HPSE2: variants seen among roughly 807,000 people sequenced by gnomAD.
The protein encoded by HPSE2 is heparanase 2 (inactive).
In HPSE2, 38 loss-of-function variants were observed where a neutral mutation model predicts 60.5. That is an observed-to-expected ratio of 0.63 (90% CI 0.48 to 0.82). The LOEUF (loss-of-function observed/expected upper bound fraction) is 0.82. HPSE2 is among the 40% of genes least tolerant of loss of function. The pLI, the probability that HPSE2 is intolerant of heterozygous loss-of-function variation, is 0.00. For synonymous variants in HPSE2, 295 were observed against 293.2 expected (o/e 1.01, Z -0.06); for missense variants, 713 against 740.4 (o/e 0.96, Z 0.43).
At chr10:98,863,031 T>C (rs1261373043) in intron 3 of HPSE2, among the ~76,000 whole-genome samples, 1 of 152,166 alleles carries the variant, frequency 6.6e-6, no homozygotes, top group African/African-American at 2.4e-5. Context: ...CTCAAAGTGC[T>C]GGCATTATAG....
chr10:98,822,718 A>T (rs1951452083), intron 3 of HPSE2, among the ~76,000 whole-genome samples: 1 of 152,192 alleles, frequency 6.6e-6, no homozygotes, highest in South Asian at 2.1e-4. Flanking sequence ...AAAAGTAACA[A>T]GATGGGAGAT....
chr10:99,174,106 T>C (rs918573184), intron 2 of HPSE2, among the ~76,000 whole-genome samples: 2 of 152,144 alleles, frequency 1.3e-5, no homozygotes, highest in African/African-American at 2.4e-5. Flanking sequence ...CGTTAGACAA[T>C]GAAATTTTTC....
At chr10:99,008,426 G>A (rs773486190) in intron 3 of HPSE2, among the ~76,000 whole-genome samples, 7 of 152,102 alleles carry the variant, frequency 4.6e-5, no homozygotes, top group Admixed American at 3.3e-4. Context: ...AGAAAAATGA[G>A]AGGCCAAAAG....
chr10:99,130,455 G>A lies in HPSE2; in HGVS notation c.610+13783C>T, dbSNP rs180879243. On this transcript the variant is annotated intron_variant, in intron 3 of 11. Transcript: ENST00000370552. ...ATGATCAAGTGGGTTTCACACCAGA[G>A]ATGCAGAGATGGTTTAACATACACA... Among the ~76,000 whole-genome samples the A allele has an allele frequency of 1.6e-3, 236 of 152,236 alleles. 1 individual carries two copies. The highest frequency in any genetic ancestry group is 3.4e-3 in the Middle Eastern group (1 of 294).
In HPSE2 at chr10:99,157,999, A is replaced by T. The variant is rs536407236; in HGVS notation, c.449-13600T>A. 2.1e-5 allele frequency among the ~76,000 whole-genome samples: 3 copies of T among 144,936 alleles called. No individual in the cohort carries two copies. In the South Asian group the frequency reaches 7.3e-4, roughly 35 times the overall value. On this transcript the variant is annotated intron_variant, in intron 2 of 11. Coordinates refer to ENST00000370552, the MANE Select transcript of HPSE2 (RefSeq NM_021828.5). ...TTTATGCAGCCAAAAAACACATGAA[A>T]AAATGCTCATCATCTCTGGCCATCA...
At chr10:99,110,683 ATAT>A (rs1327754791) in intron 3 of HPSE2, among the ~76,000 whole-genome samples, 3 of 152,128 alleles carry the variant, frequency 2.0e-5, no homozygotes, top group African/African-American at 7.2e-5. Flanking sequence ...TCCTTTACTA[ATAT>A]ATTAGAAAGC....
intron 3 of HPSE2, among the ~76,000 whole-genome samples, chr10:98,832,249 C>T (rs918102634): frequency 6.6e-6 from 1 of 152,144 alleles, no homozygotes; most frequent in Non-Finnish European, 1.5e-5. Context: ...AGATAAAAGT[C>T]CTAAGACCTA....
chr10:98,925,643 A>T (rs1333872468), intron 3 of HPSE2, among the ~76,000 whole-genome samples: 1 of 152,192 alleles, frequency 6.6e-6, no homozygotes, highest in Non-Finnish European at 1.5e-5. Flanking sequence ...GGAGCACATT[A>T]GAGTTTCATG....
intron 3 of HPSE2, among the ~76,000 whole-genome samples, chr10:99,058,275 T>C (rs916092866): frequency 2.0e-5 from 3 of 152,162 alleles, no homozygotes; most frequent in African/African-American, 7.2e-5. Context: ...AAGGGGGGAA[T>C]TGTATAGCTC....
At chr10:99,051,953 A>C (rs1958001555) in intron 3 of HPSE2, among the ~76,000 whole-genome samples, 1 of 152,006 alleles carries the variant, frequency 6.6e-6, no homozygotes, top group African/African-American at 2.4e-5. Flanking sequence ...TGAAATTAAA[A>C]AAAAAAAATC....
intron 9 of HPSE2, among the ~76,000 whole-genome samples, chr10:98,562,815 C>A (rs1477533508): frequency 6.7e-6 from 1 of 150,130 alleles, no homozygotes; most frequent in African/African-American, 2.4e-5. Flanking sequence ...GTACAAATTT[C>A]TCTTGAGGAT....
chr10:98,900,958 C>T (rs1479524080), intron 3 of HPSE2, among the ~76,000 whole-genome samples: 1 of 152,096 alleles, frequency 6.6e-6, no homozygotes, highest in African/African-American at 2.4e-5. Flanking sequence ...ACCCAAATGT[C>T]CATCAACAGG....
chr10:98,714,102 T>A (rs888150090), intron 5 of HPSE2, among the ~76,000 whole-genome samples: 1 of 151,978 alleles, frequency 6.6e-6, no homozygotes. Context: ...ATATCCTTAA[T>A]TGATTCTCTA....
chr10:98,742,915 A>G (rs1271314935), intron 4 of HPSE2, among the ~76,000 whole-genome samples: 1 of 151,144 alleles, frequency 6.6e-6, no homozygotes, highest in African/African-American at 2.4e-5. Flanking sequence ...GAATTTCAAG[A>G]TGGTGACTGC....
rs112785145 is a variant in HPSE2 at position 98,590,456 on chromosome 10, A to G, written c.1320+24448T>C. Among the ~76,000 whole-genome samples, 697 of 152,352 alleles carry G rather than the reference A, an allele frequency of 4.6e-3. 4 individuals carry two copies. Among genetic ancestry groups the G allele is most frequent in the African/African-American group, 0.016 (671 of 41,582 alleles). On this transcript the variant is annotated intron_variant, in intron 9 of 11. Coordinates refer to ENST00000370552, the MANE Select transcript of HPSE2 (RefSeq NM_021828.5). Reference sequence around the variant, plus strand: ...TGGTTATGCTTCTAGGGGTCATATCATTCAAACATTGTCTTGTTTAAATAT... The same window carrying G: ...TGGTTATGCTTCTAGGGGTCATATCGTTCAAACATTGTCTTGTTTAAATAT...
intron 3 of HPSE2, among the ~76,000 whole-genome samples, chr10:98,749,395 C>A (rs777798869): frequency 6.6e-6 from 1 of 151,088 alleles, no homozygotes; most frequent in Non-Finnish European, 1.5e-5. Flanking sequence ...GATATACATG[C>A]GTGTATATCT....
intron 9 of HPSE2, among the ~76,000 whole-genome samples, chr10:98,542,934 T>A (rs1320479210): frequency 2.0e-5 from 3 of 151,942 alleles, no homozygotes; most frequent in Non-Finnish European, 4.4e-5. Context: ...ACTTCCCCAA[T>A]CTAGCAAGGC....
intron 7 of HPSE2, among the ~76,000 whole-genome samples, chr10:98,636,526 C>G (rs1431091414): frequency 6.6e-6 from 1 of 152,180 alleles, no homozygotes; most frequent in Non-Finnish European, 1.5e-5. Context: ...AGGCATGAGC[C>G]ACTGTGCCCA....
chr10:99,041,481 C>A (rs1219080258), intron 3 of HPSE2, among the ~76,000 whole-genome samples: 1 of 152,116 alleles, frequency 6.6e-6, no homozygotes, highest in African/African-American at 2.4e-5. Flanking sequence ...ACCCCCAATC[C>A]CTCTGGGACT....
Sources: allele counts gnomAD v4.1 joint callset (sites outside exome capture counted in the v4.1 genomes callset), GRCh38; gene constraint gnomAD v4.1.1; transcripts MANE v1.5; gene names NCBI Gene and HGNC (gene_info 2026-07-23, HGNC 2026-07-21).